UGT8: variants seen among roughly 807,000 people sequenced by gnomAD.
UGT8 encodes the protein 2-hydroxyacylsphingosine 1-beta-galactosyltransferase.
UGT8 carries 12 observed loss-of-function variants against 40.5 expected under a neutral mutation model. The ratio of observed to expected loss-of-function variants is 0.30; its 90% CI spans 0.19 to 0.48. The LOEUF (loss-of-function observed/expected upper bound fraction) is 0.48. UGT8 is among the 20% of genes least tolerant of loss of function. The pLI is 0.99. For synonymous variants in UGT8, 224 were observed against 240.4 expected, an observed-to-expected ratio of 0.93 and a Z score of 0.63; for missense variants, 513 against 648.7, an observed-to-expected ratio of 0.79 and a Z score of 2.27.
rs757424617 is a variant in UGT8, at chr4:114,660,314, G to A, written c.823-3681G>A. Reference sequence around the variant, plus strand: ...AAATATTAATGAAATATTAAATATCGACAGAGTCGATATAGACAATATGAA... The same window carrying A: ...AAATATTAATGAAATATTAAATATCAACAGAGTCGATATAGACAATATGAA... On this transcript the variant is annotated intron_variant, in intron 2 of 5. Transcript: ENST00000310836. 1.2e-4 allele frequency among the ~76,000 whole-genome samples: 18 copies of A among 151,750 alleles called. 1 individual carries two copies. The highest frequency in any genetic ancestry group is 1.0e-3 in the Admixed American group (16 of 15,242).
At chr4:114,672,072 G>A (rs1337295132) in intron 5 of UGT8, among the ~76,000 whole-genome samples, 1 of 152,130 alleles carries the variant, frequency 6.6e-6, no homozygotes, top group Non-Finnish European at 1.5e-5. Flanking sequence ...TGTAAAAAAG[G>A]TTAACATCAC....
chr4:114,606,335 TCTAAGACTAGGCAGTTAGTCTTAGGC>T (rs1429773187), intron 1 of UGT8, among the ~76,000 whole-genome samples: 3 of 152,172 alleles, frequency 2.0e-5, no homozygotes, highest in Admixed American at 1.3e-4. Flanking sequence ...AGAGAGCTGT[TCTAAGACTAGGCAGTTAGTCTTAGGC>T]CTAAGACTAG....
intron 1 of UGT8, among the ~76,000 whole-genome samples, chr4:114,599,336 C>G (rs1477442101): frequency 6.6e-6 from 1 of 152,084 alleles, no homozygotes; most frequent in Admixed American, 6.5e-5. Context: ...CGGCCGAGGA[C>G]CTTGTACTTG....
intron 1 of UGT8, among the ~76,000 whole-genome samples, chr4:114,605,081 A>G (rs1730659576): frequency 6.6e-6 from 1 of 152,198 alleles, no homozygotes; most frequent in Non-Finnish European, 1.5e-5. Context: ...ACTCCCTTAC[A>G]GAGATAACAG....
intron 1 of UGT8, among the ~76,000 whole-genome samples, chr4:114,613,556 G>A (rs1731215192): frequency 6.6e-6 from 1 of 152,110 alleles, no homozygotes; most frequent in African/African-American, 2.4e-5. Context: ...CTGAGTTCCT[G>A]GGAATCTGGG....
intron 1 of UGT8, among the ~76,000 whole-genome samples, chr4:114,604,416 C>T (rs1202923595): frequency 1.3e-5 from 2 of 149,912 alleles, no homozygotes; most frequent in East Asian, 3.9e-4. Flanking sequence ...AATTATTAGC[C>T]TGTGTAATAG....
chr4:114,661,458 G>A (rs975245301), intron 2 of UGT8, among the ~76,000 whole-genome samples: 2 of 152,032 alleles, frequency 1.3e-5, no homozygotes, highest in African/African-American at 4.8e-5. Flanking sequence ...TATTCTTATC[G>A]TGAAGTTCCA....
At chr4:114,602,493 C>G (rs923774949) in intron 1 of UGT8, among the ~76,000 whole-genome samples, 1 of 152,198 alleles carries the variant, frequency 6.6e-6, no homozygotes, top group Non-Finnish European at 1.5e-5. Flanking sequence ...CAGTGGTAAT[C>G]ATATCTCCTT....
chr4:114,632,136 A>G (rs1298251062), intron 2 of UGT8, among the ~76,000 whole-genome samples: 1 of 152,190 alleles, frequency 6.6e-6, no homozygotes, highest in Non-Finnish European at 1.5e-5. Context: ...AGCAGCATTT[A>G]TTGCTGTTTG....
In UGT8 at chr4:114,677,107, G is replaced by A. The variant is rs933566210; in HGVS notation, c.*819G>A. On this transcript the variant is annotated 3_prime_UTR_variant, in exon 6 of 6. Transcript: ENST00000310836. ...TTTAATGAGTAACAATATGTTAAAT[G>A]CATAATTAAGACAAAGCAATGAAAT... 6.6e-6 allele frequency: 1 copy of A among 152,060 alleles called. No individual in the cohort carries two copies. The highest frequency in any genetic ancestry group is 2.4e-5 in the African/African-American group (1 of 41,416). 9.4% of individuals were successfully genotyped at this position (152,060 alleles called of 1,614,324 possible). A position where few individuals can be genotyped will look rare whatever the true frequency, so the allele number is the denominator to read the frequency against.
At chr4:114,629,009 A>G (rs1367586856) in intron 2 of UGT8, among the ~76,000 whole-genome samples, 1 of 151,962 alleles carries the variant, frequency 6.6e-6, no homozygotes, top group African/African-American at 2.4e-5. Context: ...TTCCTATTAC[A>G]TATGGTGATT....
At chr4:114,603,726 G>A (rs1434729952) in intron 1 of UGT8, among the ~76,000 whole-genome samples, 1 of 152,106 alleles carries the variant, frequency 6.6e-6, no homozygotes, top group Non-Finnish European at 1.5e-5. Flanking sequence ...CAAATGAGGG[G>A]AGAAGCACCT....
Position 114,638,473 on chromosome 4 carries a change from CT to C in UGT8, c.822+14772del, listed in dbSNP as rs950975735. Among the ~76,000 whole-genome samples the C allele has an allele frequency of 7.9e-5, 12 of 152,246 alleles. 1 individual carries two copies. Among genetic ancestry groups the C allele is most frequent in the Admixed American group, 7.8e-4 (12 of 15,300 alleles). On this transcript the variant is annotated intron_variant, in intron 2 of 5. Coordinates refer to ENST00000310836, the MANE Select transcript of UGT8 (RefSeq NM_001128174.3). ...CAAGACCCTCTGGAGAGCCCAGTAA[CT>C]AAAGCTCATTAACAGACGAGGCAAA...
At chr4:114,659,654 A>G (rs1291073655) in intron 2 of UGT8, among the ~76,000 whole-genome samples, 2 of 152,156 alleles carry the variant, frequency 1.3e-5, no homozygotes, top group African/African-American at 2.4e-5. Flanking sequence ...AAATTCCTGT[A>G]TTGAGTGAAA....
intron 2 of UGT8, among the ~76,000 whole-genome samples, chr4:114,624,940 G>T (rs1732102033): frequency 6.6e-6 from 1 of 152,114 alleles, no homozygotes; most frequent in Non-Finnish European, 1.5e-5. Flanking sequence ...AGCCATTCTT[G>T]AATTTATCCA....
intron 2 of UGT8, among the ~76,000 whole-genome samples, chr4:114,642,541 T>C (rs1733291765): frequency 6.6e-6 from 1 of 152,164 alleles, no homozygotes; most frequent in South Asian, 2.1e-4. Context: ...TTTTGCTTCC[T>C]GAATCCTCCT....
intron 5 of UGT8, among the ~76,000 whole-genome samples, chr4:114,673,955 T>C (rs1735458660): frequency 1.3e-5 from 2 of 152,192 alleles, no homozygotes; most frequent in South Asian, 4.1e-4. Flanking sequence ...TTATGAGGCA[T>C]TGATGAGAGA....
At chr4:114,640,033 G>GTTTTT (rs5861187) in intron 2 of UGT8, among the ~76,000 whole-genome samples, 3 of 139,226 alleles carry the variant, frequency 2.2e-5, no homozygotes, top group Admixed American at 7.2e-5. Flanking sequence ...ATGTTTGTTT[G>GTTTTT]TTTTTTTTTT....
intron 1 of UGT8, among the ~76,000 whole-genome samples, chr4:114,614,236 T>G (rs1454940410): frequency 6.6e-6 from 1 of 152,146 alleles, no homozygotes; most frequent in East Asian, 1.9e-4. Context: ...ACAACAACTG[T>G]CTTTATAACC....
Sources: gnomAD v4.1 joint callset for allele counts (sites outside exome capture counted in the v4.1 genomes callset) on GRCh38, gnomAD v4.1.1 for gene constraint, MANE v1.5 for transcripts, NCBI Gene and HGNC (gene_info 2026-07-23, HGNC 2026-07-21) for gene names.